Variants in TSPAN18 observed in about 807,000 individuals in gnomAD.
The protein encoded by TSPAN18 is tetraspanin 18.
In TSPAN18, 14 loss-of-function variants were observed where a neutral mutation model predicts 27.3. The ratio of observed to expected loss-of-function variants is 0.51; its 90% CI spans 0.34 to 0.80. The LOEUF is 0.80. TSPAN18 is among the 30% of genes least tolerant of loss of function. TSPAN18 has a pLI of 0.01. For synonymous variants in TSPAN18, 143 were observed against 136.5 expected, an observed-to-expected ratio of 1.05 and a Z score of -0.33; for missense variants, 268 against 323.9, an observed-to-expected ratio of 0.83 and a Z score of 1.32.
intron 3 of TSPAN18, among the ~76,000 whole-genome samples, chr11:44,878,024 A>G (rs1642265731): frequency 6.6e-6 from 1 of 151,964 alleles, no homozygotes; most frequent in Non-Finnish European, 1.5e-5. Flanking sequence ...CAGAAGCACA[A>G]TAGACTGCAT....
At chr11:44,790,619 T>C (rs941468304) in intron 2 of TSPAN18, among the ~76,000 whole-genome samples, 2 of 152,180 alleles carry the variant, frequency 1.3e-5, no homozygotes, top group African/African-American at 4.8e-5. Context: ...TTCGTGTGTG[T>C]GTGTGCATGT....
At chr11:44,816,589 G>A (rs1355316605) in intron 2 of TSPAN18, among the ~76,000 whole-genome samples, 2 of 152,170 alleles carry the variant, frequency 1.3e-5, no homozygotes, top group Admixed American at 1.3e-4. Context: ...TTGAAGGCAG[G>A]TGAGGGCCCA....
At chr11:44,790,380 TGTGTGTGCATGTGCTCTTGCTTGTAC>T (rs1856177465) in intron 2 of TSPAN18, among the ~76,000 whole-genome samples, 1 of 149,594 alleles carries the variant, frequency 6.7e-6, no homozygotes, top group Non-Finnish European at 1.5e-5. Flanking sequence ...TTTGTGTGCG[TGTGTGTGCATGTGCTCTTGCTTGTAC>T]GTGTGTGCAT....
chr11:44,775,502 G>A (rs2134930492), intron 2 of TSPAN18, among the ~76,000 whole-genome samples: 1 of 152,192 alleles, frequency 6.6e-6, no homozygotes, highest in East Asian at 1.9e-4. Flanking sequence ...GGAGGTCACC[G>A]AATCCCTATA....
At chr11:44,865,617 C>CA (rs1203940788) in intron 3 of TSPAN18, among the ~76,000 whole-genome samples, 1 of 152,246 alleles carries the variant, frequency 6.6e-6, no homozygotes, top group Non-Finnish European at 1.5e-5. Context: ...CCAACCCCAT[C>CA]AGTCCCTTTT....
chr11:44,780,757 G>A (rs1462444466), intron 2 of TSPAN18, among the ~76,000 whole-genome samples: 3 of 152,226 alleles, frequency 2.0e-5, no homozygotes, highest in African/African-American at 7.2e-5. Flanking sequence ...CTGTAAAATA[G>A]GGATCATGGT....
At chr11:44,929,077 C>T in intron 9 of TSPAN18, 54 bp from the exon 10 acceptor site, 1 of 1,609,912 alleles carries the variant, frequency 6.2e-7, no homozygotes, top group Non-Finnish European at 8.5e-7. Context: ...GCCAGGCAGC[C>T]CACAAAGGGC....
intron 1 of TSPAN18, among the ~76,000 whole-genome samples, chr11:44,763,307 G>C (rs1855495011): frequency 6.6e-6 from 1 of 152,106 alleles, no homozygotes; most frequent in African/African-American, 2.4e-5. Flanking sequence ...CTGTGCATGT[G>C]ACTGAGCCAA....
chr11:44,859,130 A>G (rs1398402873), intron 2 of TSPAN18, among the ~76,000 whole-genome samples: 1 of 152,098 alleles, frequency 6.6e-6, no homozygotes, highest in African/African-American at 2.4e-5. Flanking sequence ...CAGCCTAGAA[A>G]GAGGGGCAGG....
intron 5 of TSPAN18, among the ~76,000 whole-genome samples, chr11:44,915,456 C>G (rs749466290): frequency 1.3e-5 from 2 of 152,198 alleles, no homozygotes; most frequent in African/African-American, 4.8e-5. Context: ...AGGCTTCCCC[C>G]ACCCCACCCT....
chr11:44,891,529 A>G (rs1052703523), intron 3 of TSPAN18, among the ~76,000 whole-genome samples: 3 of 152,226 alleles, frequency 2.0e-5, no homozygotes, highest in Non-Finnish European at 2.9e-5. Flanking sequence ...TGAAATTTCC[A>G]AAAACCTTCA....
chr11:44,899,092 C>T (rs1483285074), intron 3 of TSPAN18, among the ~76,000 whole-genome samples: 20 of 152,150 alleles, frequency 1.3e-4, no homozygotes, highest in Admixed American at 1.3e-3. Flanking sequence ...GACAGGGAGA[C>T]CACAGCACCT....
At chr11:44,872,472 C>T (rs941898424) in intron 3 of TSPAN18, among the ~76,000 whole-genome samples, 5 of 152,146 alleles carry the variant, frequency 3.3e-5, no homozygotes, top group South Asian at 2.1e-4. Flanking sequence ...GTGCAGTGCC[C>T]GGCACATGCT....
At chr11:44,790,536 G>A (rs1193630150) in intron 2 of TSPAN18, among the ~76,000 whole-genome samples, 2 of 150,796 alleles carry the variant, frequency 1.3e-5, no homozygotes, top group Non-Finnish European at 2.9e-5. Context: ...GTGTGCATGT[G>A]TGTGCATGTT....
At chr11:44,811,749 A>G (rs760105395) in intron 2 of TSPAN18, among the ~76,000 whole-genome samples, 2 of 152,212 alleles carry the variant, frequency 1.3e-5, no homozygotes, top group Non-Finnish European at 2.9e-5. Flanking sequence ...GGCATGAGCC[A>G]CTGCACCCGG....
chr11:44,842,872 C>G (rs916824822), intron 2 of TSPAN18, among the ~76,000 whole-genome samples: 1 of 152,160 alleles, frequency 6.6e-6, no homozygotes, highest in African/African-American at 2.4e-5. Context: ...CCCTCCAGCC[C>G]AGAAGGCTCT....
chr11:44,906,074 C>T (rs67831458), intron 3 of TSPAN18, among the ~76,000 whole-genome samples: 12,371 of 152,244 alleles, frequency 0.081, 569 homozygotes, highest in Middle Eastern at 0.17. Context: ...ACGTGCCCGA[C>T]GATGTGCTAA....
chr11:44,852,746 G>A (rs1079146), intron 2 of TSPAN18, among the ~76,000 whole-genome samples: 80,664 of 152,032 alleles, frequency 0.53, 22,515 homozygotes, highest in Non-Finnish European at 0.61. Context: ...TCAGCCAGAC[G>A]TGGGGGTTAC....
intron 4 of TSPAN18, chr11:44,909,404 T>C: frequency 2.9e-6 from 1 of 341,500 alleles, no homozygotes; most frequent in Non-Finnish European, 5.4e-6. Flanking sequence ...GGTCTGACAT[T>C]TCAAGAGAAG....
Sources: gnomAD v4.1 joint callset for allele counts (sites outside exome capture counted in the v4.1 genomes callset) on GRCh38, gnomAD v4.1.1 for gene constraint, MANE v1.5 for transcripts, NCBI Gene and HGNC (gene_info 2026-07-23, HGNC 2026-07-21) for gene names.